Variants in ARL15 observed in about 807,000 individuals in gnomAD.
The protein encoded by ARL15 is ARF like GTPase 15.
A neutral mutation model predicts 25.2 loss-of-function variants in ARL15; 19 were observed. The observed-to-expected ratio is 0.75, with a 90% CI of 0.53 to 1.10. ARL15 has a LOEUF of 1.10. Ranked by LOEUF, ARL15 falls within the 50% of genes least tolerant of loss-of-function variation. ARL15 has a pLI of 0.00. For synonymous variants in ARL15, 94 were observed against 86.8 expected (o/e 1.08, Z -0.46); for missense variants, 220 against 246.0 (o/e 0.89, Z 0.71).
intron 1 of ARL15, among the ~76,000 whole-genome samples, chr5:54,256,413 T>TAAAAAAAAAAAAAAAAAAAAA (rs35505658): frequency 1.0e-5 from 1 of 99,484 alleles, no homozygotes; most frequent in Non-Finnish European, 1.9e-5. Context: ...CGAATCAGTT[T>TAAAAAAAAAAAAAAAAAAAAA]AAAAAAAAAA....
At chr5:54,106,891 G>A (rs1752604238) in intron 4 of ARL15, among the ~76,000 whole-genome samples, 1 of 152,130 alleles carries the variant, frequency 6.6e-6, no homozygotes, top group African/African-American at 2.4e-5. Context: ...GTTGCCAAGG[G>A]AAATCAGATG....
chr5:53,990,976 T>A (rs1054972432), intron 4 of ARL15, among the ~76,000 whole-genome samples: 2 of 152,148 alleles, frequency 1.3e-5, no homozygotes, highest in Non-Finnish European at 1.5e-5. Flanking sequence ...TCTCTTTGAA[T>A]GTTTGATTTT....
Position 54,117,302 on chromosome 5 carries a change from A to G in ARL15, c.254-3892T>C, listed in dbSNP as rs1256275054. ...TTCAACTTGTGCAGTCAACTCTTTCAATGAGAAACTATGTTTTCATTGGCC... is the reference window on the plus strand; with the variant it reads ...TTCAACTTGTGCAGTCAACTCTTTCGATGAGAAACTATGTTTTCATTGGCC... On this transcript the variant is annotated intron_variant, in intron 3 of 4. Transcript: ENST00000504924. 2.0e-5 allele frequency among the ~76,000 whole-genome samples: 3 copies of G among 151,830 alleles called. No individual in the cohort carries two copies. In the South Asian group the frequency reaches 6.3e-4, roughly 32 times the overall value.
chr5:53,981,109 C>T (rs909988767), intron 4 of ARL15, among the ~76,000 whole-genome samples: 1 of 152,038 alleles, frequency 6.6e-6, no homozygotes, highest in Non-Finnish European at 1.5e-5. Context: ...GAACGAACCC[C>T]GGTTTAGTCA....
At chr5:54,280,932 A>G (rs1286453591) in intron 1 of ARL15, among the ~76,000 whole-genome samples, 5 of 152,068 alleles carry the variant, frequency 3.3e-5, no homozygotes, top group Non-Finnish European at 7.4e-5. Flanking sequence ...CCAAGTTAAG[A>G]AATGAGCTCA....
intron 4 of ARL15, among the ~76,000 whole-genome samples, chr5:54,103,415 C>A (rs1410553817): frequency 6.6e-6 from 1 of 151,890 alleles, no homozygotes; most frequent in Admixed American, 6.6e-5. Context: ...ACTAGATAAC[C>A]TTTTTTCATG....
intron 1 of ARL15, among the ~76,000 whole-genome samples, chr5:54,198,550 C>T (rs1014194916): frequency 1.4e-5 from 2 of 145,992 alleles, no homozygotes; most frequent in African/African-American, 5.2e-5. Context: ...TTCACAATTG[C>T]TTCAAAGAGA....
chr5:54,048,820 A>G (rs1750615842), intron 4 of ARL15, among the ~76,000 whole-genome samples: 1 of 150,746 alleles, frequency 6.6e-6, no homozygotes, highest in East Asian at 1.9e-4. Context: ...CAACAGTCCG[A>G]CATTTGGGGA....
At chr5:54,291,371 C>T (rs1379989634) in intron 1 of ARL15, among the ~76,000 whole-genome samples, 1 of 152,216 alleles carries the variant, frequency 6.6e-6, no homozygotes, top group Non-Finnish European at 1.5e-5. Flanking sequence ...ATGTAACCTA[C>T]ACATATCCAC....
chr5:54,301,766 C>T (rs1263774424), intron 1 of ARL15, among the ~76,000 whole-genome samples: 1 of 152,140 alleles, frequency 6.6e-6, no homozygotes, highest in Non-Finnish European at 1.5e-5. Flanking sequence ...GAGGCCAGAG[C>T]AGCAGCTCTC....
At chr5:54,122,301 G>A (rs1753104535) in intron 3 of ARL15, among the ~76,000 whole-genome samples, 1 of 152,180 alleles carries the variant, frequency 6.6e-6, no homozygotes, top group African/African-American at 2.4e-5. Context: ...TGTTCTTTCA[G>A]TACAGGTGTC....
chr5:53,989,576 G>T (rs1209911442), intron 4 of ARL15, among the ~76,000 whole-genome samples: 4 of 149,496 alleles, frequency 2.7e-5, no homozygotes, highest in Non-Finnish European at 4.5e-5. Flanking sequence ...ACCAGGGAGG[G>T]GTGTGTGTGT....
intron 4 of ARL15, among the ~76,000 whole-genome samples, chr5:53,925,203 T>G (rs1432508561): frequency 2.3e-5 from 3 of 128,108 alleles, no homozygotes; most frequent in Non-Finnish European, 4.9e-5. Context: ...TTTTTATAAT[T>G]TTTTTTTTTT....
chr5:53,935,767 T>G (rs1377592498), intron 4 of ARL15, among the ~76,000 whole-genome samples: 1 of 152,190 alleles, frequency 6.6e-6, no homozygotes, highest in Admixed American at 6.5e-5. Context: ...TTGGTTTTTT[T>G]GTTTGAGACT....
chr5:54,076,412 C>T (rs1009334883), intron 4 of ARL15, among the ~76,000 whole-genome samples: 19 of 149,154 alleles, frequency 1.3e-4, no homozygotes, highest in Non-Finnish European at 2.7e-4. Flanking sequence ...CAGAGCGAGA[C>T]TCCGTCTCAA....
At chr5:54,255,410 G>A (rs974891640) in intron 1 of ARL15, among the ~76,000 whole-genome samples, 1 of 152,102 alleles carries the variant, frequency 6.6e-6, no homozygotes, top group Non-Finnish European at 1.5e-5. Context: ...AGTAAAAGAT[G>A]CAAATTAATA....
chr5:54,254,561 T>C (rs903517589), intron 1 of ARL15, among the ~76,000 whole-genome samples: 3 of 152,222 alleles, frequency 2.0e-5, no homozygotes, highest in African/African-American at 7.2e-5. Flanking sequence ...TTTCTTTTAG[T>C]AGAAGAGCTC....
intron 4 of ARL15, among the ~76,000 whole-genome samples, chr5:54,029,363 CACCACCACCACCACT>C (rs1329503559): frequency 2.4e-4 from 33 of 139,034 alleles, no homozygotes; most frequent in Admixed American, 6.6e-4. Flanking sequence ...CCACCACCAC[CACCACCACCACCACT>C]ACACCTAGAG....
chr5:54,168,165 T>C (rs1426432177), intron 2 of ARL15, among the ~76,000 whole-genome samples: 2 of 152,196 alleles, frequency 1.3e-5, no homozygotes, highest in Non-Finnish European at 2.9e-5. Flanking sequence ...ATTCAATGAA[T>C]GTGGAATGAA....
Sources: gnomAD v4.1 joint callset for allele counts (sites outside exome capture counted in the v4.1 genomes callset) on GRCh38, gnomAD v4.1.1 for gene constraint, MANE v1.5 for transcripts, NCBI Gene and HGNC (gene_info 2026-07-23, HGNC 2026-07-21) for gene names.